The following SAMD11 variants were observed in gnomAD, a reference collection of about 807,000 sequenced individuals.
SAMD11 encodes the protein sterile alpha motif domain-containing protein 11.
SAMD11 carries 77 observed loss-of-function variants against 64.4 expected under a neutral mutation model. The ratio of observed to expected loss-of-function variants is 1.20; its 90% CI spans 0.99 to 1.44. The LOEUF (loss-of-function observed/expected upper bound fraction) is 1.44, where lower values mean the gene tolerates loss of function less well. Among genes scored for constraint, SAMD11 ranks in the 40% most tolerant of loss-of-function variants. SAMD11 has a pLI of 0.00. For synonymous variants in SAMD11, 658 were observed against 421.9 expected, an observed-to-expected ratio of 1.56 and a Z score of -6.86; for missense variants, 1,402 against 943.3, an observed-to-expected ratio of 1.49 and a Z score of -6.37.
intron 7 of SAMD11, 107 bp from the exon 8 acceptor site, chr1:941,037 C>G: frequency 9.3e-7 from 1 of 1,073,592 alleles, no homozygotes. Context: ...CCGAGCACGG[C>G]CGAGTGGTGT....
chr1:937,941 C>G (rs189525537), intron 5 of SAMD11, among the ~76,000 whole-genome samples: 1 of 152,236 alleles, frequency 6.6e-6, no homozygotes, highest in Non-Finnish European at 1.5e-5. Context: ...CTGGAGCTGA[C>G]GGCAGGGCTT....
chr1:929,742 G>A (rs529802903), intron 2 of SAMD11, among the ~76,000 whole-genome samples: 1 of 152,360 alleles, frequency 6.6e-6, no homozygotes, highest in African/African-American at 2.4e-5. Flanking sequence ...CACAAGCCCG[G>A]GACGGAGGCC....
chr1:942,198 C>A lies in SAMD11; in HGVS notation c.1421C>A (p.Pro474His). 1 of 1,383,348 alleles carries A rather than the reference C, an allele frequency of 7.2e-7. No individual in the cohort carries two copies. Among genetic ancestry groups the A allele is most frequent in the South Asian group, 1.7e-5 (1 of 59,284 alleles). 85.7% of individuals were successfully genotyped at this position (1,383,348 alleles called of 1,614,324 possible). A position where few individuals can be genotyped will look rare whatever the true frequency, so the allele number is the denominator to read the frequency against. Residue 474 changes from proline to histidine, a missense_variant, in exon 9 of 14, where the codon CCC becomes CAC. Physicochemically the swap from Pro to His is moderately conservative, Grantham distance 77 (BLOSUM62 -2). Coordinates refer to ENST00000616016, the MANE Select transcript of SAMD11 (RefSeq NM_001385641.1). ...AATGCCCCTCACGTCGCCCTGGGCC[C>A]CCATCTCAGGCCCCCCTTCCTGGGG... ...PQNAPHVALG[P>H]HLRPPFLGVP...
At chr1:942,337 G>A in intron 9 of SAMD11, 73 bp from the exon 10 acceptor site, 1 of 1,129,372 alleles carries the variant, frequency 8.9e-7, no homozygotes, top group Non-Finnish European at 1.2e-6. Flanking sequence ...AGACGGACCG[G>A]GTAGGGGATT....
Position 943,983 on chromosome 1 carries a change from C to G in SAMD11, c.2365C>G (p.Arg789Gly). 6.2e-7 allele frequency: 1 copy of G among 1,612,786 alleles called. No individual in the cohort carries two copies. The highest frequency in any genetic ancestry group is 8.5e-7 in the Non-Finnish European group (1 of 1,179,968). ...VALPLQPPTLRAPERELGTGE... is the reference protein window; with the variant it reads ...VALPLQPPTLGAPERELGTGE... ...TCTGCCACTGCAGCCACCAACCCTG[C>G]GGGCCCCGGAGCGAGAACTCGGCAC... The change falls in exon 14 of 14, where the codon CGG becomes GGG. Residue 789 changes from arginine (R) to glycine (G), a missense_variant. Arg to Gly is a moderately radical substitution (Grantham distance 125, BLOSUM62 -2). Transcript: ENST00000616016.
At chr1:941,650 C>A (rs1641772629) in intron 8 of SAMD11, among the ~76,000 whole-genome samples, 1 of 152,098 alleles carries the variant, frequency 6.6e-6, no homozygotes, top group African/African-American at 2.4e-5. Flanking sequence ...AATGTAGACG[C>A]CGGCGCCGGA....
Position 942,900 on chromosome 1 carries a change from C to G in SAMD11, c.1895C>G (p.Ser632Trp). The G allele has an allele frequency of 6.4e-7, 1 of 1,555,834 alleles. No homozygotes were observed. Among genetic ancestry groups the G allele is most frequent in the Non-Finnish European group, 8.7e-7 (1 of 1,150,040 alleles). ...TCGGAAGACGAGCCCCCCAAAGACT[C>G]GGACGGAGAGGACCCCGAGACGGCA... is the stretch of plus-strand genomic sequence containing the variant. ...DGSEDEPPKDSDGEDPETAAV... is the reference protein window; with the variant it reads ...DGSEDEPPKDWDGEDPETAAV... Residue 632 changes from serine (S) to tryptophan (W), a missense_variant, in exon 11 of 14, where the codon TCG becomes TGG. Ser to Trp is a radical substitution (Grantham distance 177, BLOSUM62 -3). Coordinates refer to ENST00000616016, the MANE Select transcript of SAMD11 (RefSeq NM_001385641.1).
chr1:943,849 G>A (rs768103397), intron 13 of SAMD11, 41 bp downstream of exon 13: 6 of 1,613,014 alleles, frequency 3.7e-6, no homozygotes, highest in South Asian at 3.3e-5. Context: ...CCAGACCACA[G>A]CTGGGCAGAA....
At position 939,286 on chromosome 1, in the gene SAMD11, C is replaced by A; in HGVS notation, c.1069C>A (p.Leu357Met). The A allele has an allele frequency of 1.9e-6, 3 of 1,605,092 alleles. No homozygotes were observed. Among genetic ancestry groups the A allele is most frequent in the Non-Finnish European group, 2.5e-6 (3 of 1,176,704 alleles). The stretch of plus-strand genomic sequence containing the variant: ...GTCCTCCCCAGCAGAGGCGCTGCTG[C>A]TGCCGCGGGAGCTGGGGCCCAGCAT... ...RSESPQEALL[L>M]PRELGPSMAP... The change falls in exon 7 of 14, where the codon CTG becomes ATG. Residue 357 changes from leucine (L) to methionine (M), a missense_variant. Physicochemically the swap from Leu to Met is conservative, Grantham distance 15. Transcript: ENST00000616016.
At position 943,031 on chromosome 1, in the gene SAMD11, T is replaced by C. The variant is rs755145316; in HGVS notation, c.2026T>C (p.Tyr676His). The C allele has an allele frequency of 1.7e-5, 26 of 1,531,478 alleles. No homozygotes were observed. In the East Asian group the frequency reaches 6.0e-4, roughly 35 times the overall value. 94.9% of individuals were successfully genotyped at this position (1,531,478 alleles called of 1,614,324 possible). ...PGSTLPLGFPYAVSPYFHTGA... is the reference protein window; with the variant it reads ...PGSTLPLGFPHAVSPYFHTGA... ...GTCCACACTGCCCCTGGGCTTCCCT[T>C]ATGCCGTCAGCCCCTACTTCCACAC... Residue 676 changes from tyrosine to histidine, a missense_variant, in exon 11 of 14, where the codon TAT becomes CAT. Transcript: ENST00000616016.
At chr1:926,734 G>C (rs1640908764) in intron 2 of SAMD11, among the ~76,000 whole-genome samples, 2 of 152,142 alleles carry the variant, frequency 1.3e-5, no homozygotes, top group Non-Finnish European at 2.9e-5. Context: ...CAGCCCCCTA[G>C]TTGGGCAGCA....
Position 942,762 on chromosome 1 carries a change from C to T in SAMD11, c.1757C>T (p.Pro586Leu), listed in dbSNP as rs1362882035. The change falls in exon 11 of 14, where the codon CCG becomes CTG. Residue 586 changes from proline (P) to leucine (L), a missense_variant. By Grantham distance (98) the Pro-to-Leu change is moderately conservative (BLOSUM62 -3). Transcript: ENST00000616016. ...CCCCCGGGCTCCGGACCCCCCACCC[C>T]GTCCCGGGACTCTGCCCGGCGAGCC... ...QGPPGSGPPT[P>L]SRDSARRAPR... 18 of 1,521,690 alleles carry T rather than the reference C, an allele frequency of 1.2e-5. No individual in the cohort carries two copies. The East Asian group carries it at 3.1e-4, about 26-fold the overall frequency. The allele number at this position is 1,521,690 out of a possible 1,614,324, so 94.3% of individuals were successfully genotyped here.
At chr1:943,630 C>G (rs1401645338) in intron 12 of SAMD11, 68 bp from the exon 13 acceptor site, 1 of 1,440,504 alleles carries the variant, frequency 6.9e-7, no homozygotes, top group Non-Finnish European at 9.2e-7. Flanking sequence ...AACAGCTCCT[C>G]TTGGCTCTGC....
At chr1:941,893 C>T (rs1303403885) in intron 8 of SAMD11, among the ~76,000 whole-genome samples, 2 of 152,172 alleles carry the variant, frequency 1.3e-5, no homozygotes, top group East Asian at 1.9e-4. Context: ...GCGGGGCCGG[C>T]GCCCCGCGCA....
At chr1:938,551 T>TG (rs1278878356) in intron 5 of SAMD11, among the ~76,000 whole-genome samples, 1 of 152,018 alleles carries the variant, frequency 6.6e-6, no homozygotes. Context: ...CGAGGCGGCC[T>TG]GGGGGGCCCA....
chr1:927,655 C>T (rs1408707081), intron 2 of SAMD11, among the ~76,000 whole-genome samples: 1 of 152,248 alleles, frequency 6.6e-6, no homozygotes, highest in African/African-American at 2.4e-5. Flanking sequence ...CTCATGGTCA[C>T]AGATGCTCCG....
intron 2 of SAMD11, among the ~76,000 whole-genome samples, chr1:927,640 T>G (rs1003835720): frequency 2.0e-5 from 3 of 152,236 alleles, no homozygotes. Flanking sequence ...CGCAGGCATG[T>G]GCACCTCATG....
At chr1:932,168 G>T (rs911120792) in intron 4 of SAMD11, among the ~76,000 whole-genome samples, 1 of 152,236 alleles carries the variant, frequency 6.6e-6, no homozygotes, top group African/African-American at 2.4e-5. Flanking sequence ...TTTATGAACT[G>T]TCATGAACAC....
intron 7 of SAMD11, 123 bp from the exon 8 acceptor site, chr1:941,021 C>T (rs1641732671): frequency 2.3e-6 from 2 of 886,178 alleles, no homozygotes; most frequent in Non-Finnish European, 1.7e-6. Context: ...GAGACCAGCC[C>T]AGGGGCCGAG....
Sources: gnomAD v4.1 joint callset for allele counts (sites outside exome capture counted in the v4.1 genomes callset) on GRCh38, gnomAD v4.1.1 for gene constraint, MANE v1.5 for transcripts, NCBI Gene and HGNC (gene_info 2026-07-23, HGNC 2026-07-21) for gene names.